The following HEPHL1 variants were observed in gnomAD, a reference collection of about 807,000 sequenced individuals.
The protein encoded by HEPHL1 is ferroxidase HEPHL1.
Under a neutral mutation model 122.0 loss-of-function variants are expected in HEPHL1, and 123 were observed. The ratio of observed to expected loss-of-function variants is 1.01; its 90% confidence interval spans 0.87 to 1.17. HEPHL1 has a LOEUF of 1.17. Ranked by LOEUF, HEPHL1 falls within the 50% of genes most tolerant of loss-of-function variation. The probability of loss-of-function intolerance (pLI) is 0.00; values close to 1 mark genes in which losing one functional copy is unlikely to be tolerated. For synonymous variants in HEPHL1, 527 were observed against 508.9 expected (o/e 1.04, Z -0.48); for missense variants, 1,452 against 1,430.5 (o/e 1.01, Z -0.24).
chr11:94,096,972 C>G (rs570422702), intron 13 of HEPHL1, among the ~76,000 whole-genome samples: 4 of 152,124 alleles, frequency 2.6e-5, no homozygotes, highest in Middle Eastern at 3.2e-3. Context: ...AAAACCAGCT[C>G]CTGGATTCAT....
At chr11:94,024,388 A>G (rs957865397) in intron 1 of HEPHL1, among the ~76,000 whole-genome samples, 2 of 152,212 alleles carry the variant, frequency 1.3e-5, no homozygotes, top group African/African-American at 2.4e-5. Flanking sequence ...AAAGCATTAG[A>G]AATAATTTTG....
intron 13 of HEPHL1, among the ~76,000 whole-genome samples, chr11:94,100,656 C>T (rs2134451407): frequency 6.6e-6 from 1 of 152,306 alleles, no homozygotes; most frequent in South Asian, 2.1e-4. Flanking sequence ...CACATTATTT[C>T]ATTGGATCTT....
chr11:94,092,852 C>T (rs1946272572), intron 12 of HEPHL1, among the ~76,000 whole-genome samples: 1 of 152,092 alleles, frequency 6.6e-6, no homozygotes. Context: ...TTGCAGGAAC[C>T]TAACCCTATA....
intron 1 of HEPHL1, among the ~76,000 whole-genome samples, chr11:94,030,356 C>T (rs1945662289): frequency 6.6e-6 from 1 of 152,198 alleles, no homozygotes; most frequent in East Asian, 1.9e-4. Flanking sequence ...TATTCAGCTA[C>T]TCTTTAACAG....
At chr11:94,092,083 T>C (rs1204376606) in intron 12 of HEPHL1, among the ~76,000 whole-genome samples, 1 of 151,966 alleles carries the variant, frequency 6.6e-6, no homozygotes, top group Non-Finnish European at 1.5e-5. Context: ...CAAAGAGGAG[T>C]ACAGGTGGCA....
intron 1 of HEPHL1, among the ~76,000 whole-genome samples, chr11:94,033,071 C>G (rs1236652051): frequency 6.6e-6 from 1 of 152,270 alleles, no homozygotes; most frequent in East Asian, 1.9e-4. Context: ...TATAAAACCC[C>G]AAGTCAAAAG....
chr11:94,056,695 A>G (rs1945940276), intron 2 of HEPHL1, among the ~76,000 whole-genome samples: 1 of 151,798 alleles, frequency 6.6e-6, no homozygotes, highest in African/African-American at 2.4e-5. Context: ...CTATCTATCT[A>G]TCTATCTATC....
intron 18 of HEPHL1, 99 bp downstream of exon 18, chr11:94,111,164 A>T: frequency 1.1e-6 from 1 of 918,582 alleles, no homozygotes; most frequent in Non-Finnish European, 1.6e-6. Flanking sequence ...GCCCTCAACA[A>T]GCTCAGAGTC....
At chr11:94,043,424 A>G (rs1369400796) in intron 1 of HEPHL1, among the ~76,000 whole-genome samples, 1 of 152,128 alleles carries the variant, frequency 6.6e-6, no homozygotes, top group Non-Finnish European at 1.5e-5. Context: ...ATGGTGGCCC[A>G]GGGTAGGCTG....
At position 94,061,202 on chromosome 11, in the gene HEPHL1, A is replaced by T. The variant is rs1488620797; in HGVS notation, c.416-2306A>T. ...ATCCCTGGAAAAGGTTGCATTTGCA[A>T]TCTTCTTGAGATTTACAAGTAGGGA... is the stretch of plus-strand genomic sequence containing the variant. On this transcript the variant is annotated intron_variant, in intron 2 of 19. Transcript: ENST00000315765. 3.9e-5 allele frequency among the ~76,000 whole-genome samples: 6 copies of T among 152,118 alleles called. No individual in the cohort carries two copies. In the East Asian group the frequency reaches 1.2e-3, roughly 29 times the overall value.
chr11:94,101,227 G>C lies in HEPHL1; in HGVS notation c.2467G>C (p.Val823Leu), dbSNP rs142611571. 2 of 1,613,956 alleles carry C rather than the reference G, an allele frequency of 1.2e-6. No individual in the cohort carries two copies. The highest frequency in any genetic ancestry group is 4.5e-5 in the East Asian group (2 of 44,872). The change falls in exon 14 of 20, where the codon GTC becomes CTC. Residue 823 changes from valine (V) to leucine (L), a missense_variant. Physicochemically the swap from Val to Leu is conservative, Grantham distance 32 (BLOSUM62 1). Transcript: ENST00000315765. ...GATTCATGCTGAGGTGGGCAACACC[G>C]TCCTGATCATATTTAAGAACAAAGC... ...PMIHAEVGNTVLIIFKNKASR... is the reference protein window; with the variant it reads ...PMIHAEVGNTLLIIFKNKASR...
At position 94,112,339 on chromosome 11, in the gene HEPHL1, A is replaced by G. The variant is rs79399459; in HGVS notation, c.*445A>G. 3,699 of 153,070 alleles carry G rather than the reference A, an allele frequency of 0.024. 156 individuals carry two copies. Among genetic ancestry groups the G allele is most frequent in the African/African-American group, 0.085 (3,528 of 41,582 alleles). The allele number at this position is 153,070 out of a possible 1,614,324, so 9.5% of individuals were successfully genotyped here. On this transcript the variant is annotated 3_prime_UTR_variant, in exon 20 of 20. Transcript: ENST00000315765. The stretch of plus-strand genomic sequence containing the variant: ...ACTACTTTTTCAACATTGTTGCATA[A>G]CATGCATCCCTTGGTTCTGTGGAAA...
chr11:94,043,706 AT>A (rs201948436), intron 1 of HEPHL1, among the ~76,000 whole-genome samples: 3 of 149,884 alleles, frequency 2.0e-5, no homozygotes, highest in Admixed American at 6.6e-5. Context: ...AACTTTTTCT[AT>A]TTTTTTTTTC....
At chr11:94,109,067 C>T (rs1052602757) in intron 17 of HEPHL1, among the ~76,000 whole-genome samples, 2 of 152,026 alleles carry the variant, frequency 1.3e-5, no homozygotes, top group Non-Finnish European at 2.9e-5. Context: ...ATATAGAGAT[C>T]TTGCATATAC....
intron 11 of HEPHL1, among the ~76,000 whole-genome samples, 157 bp from the exon 12 acceptor site, chr11:94,088,598 C>A (rs186451900): frequency 6.6e-6 from 1 of 152,256 alleles, no homozygotes; most frequent in African/African-American, 2.4e-5. Context: ...GTAATCTATA[C>A]CCCCTGGGGT....
intron 1 of HEPHL1, among the ~76,000 whole-genome samples, chr11:94,022,788 A>G (rs1945592952): frequency 6.6e-6 from 1 of 152,204 alleles, no homozygotes; most frequent in African/African-American, 2.4e-5. Context: ...TTGAAAGGGT[A>G]CCAAAAATGC....
At chr11:94,104,466 T>C (rs1591489915) in intron 15 of HEPHL1, 62 bp from the exon 16 acceptor site, 1 of 1,140,056 alleles carries the variant, frequency 8.8e-7, no homozygotes, top group Middle Eastern at 2.2e-4. Context: ...TGGTGGCAGG[T>C]GGAATGAAAT....
chr11:94,021,602 A>T, intron 1 of HEPHL1, 64 bp downstream of exon 1: 1 of 1,296,168 alleles, frequency 7.7e-7, no homozygotes, highest in Non-Finnish European at 1.1e-6. Context: ...TGTGTGGGGA[A>T]GGTTGTATTT....
intron 1 of HEPHL1, among the ~76,000 whole-genome samples, chr11:94,042,883 A>AAAAACCAAAAAACAAAC (rs1555058774): frequency 7.6e-6 from 1 of 132,398 alleles, no homozygotes; most frequent in Non-Finnish European, 1.6e-5. Flanking sequence ...AATAAAAAAA[A>AAAAACCAAAAAACAAAC]AAAAAAAAAA....
Sources: gnomAD v4.1 joint callset for allele counts (sites outside exome capture counted in the v4.1 genomes callset) on GRCh38, gnomAD v4.1.1 for gene constraint, MANE v1.5 for transcripts, NCBI Gene and HGNC (gene_info 2026-07-23, HGNC 2026-07-21) for gene names.